Variants in UNC5C observed in about 807,000 individuals in gnomAD.
UNC5C encodes unc-5 netrin receptor C, also known as netrin receptor UNC5C.
A neutral mutation model predicts 99.8 loss-of-function variants in UNC5C; 47 were observed. That is an observed-to-expected ratio of 0.47 (90% confidence interval 0.37 to 0.60). UNC5C has a LOEUF of 0.60. Ranked by LOEUF, UNC5C falls within the 20% of genes least tolerant of loss-of-function variation. The probability of loss-of-function intolerance (pLI) is 0.00; values close to 1 mark genes in which losing one functional copy is unlikely to be tolerated. For synonymous variants in UNC5C, 487 were observed against 452.2 expected (o/e 1.08, Z -0.98); for missense variants, 1,062 against 1,165.9 (o/e 0.91, Z 1.30).
intron 6 of UNC5C, 26 bp from the exon 7 acceptor site, chr4:95,242,619 G>A (rs940289418): frequency 1.3e-6 from 2 of 1,526,638 alleles, no homozygotes. Flanking sequence ...TGCAGCAGGA[G>A]GTCAGAGGGA....
intron 1 of UNC5C, among the ~76,000 whole-genome samples, chr4:95,443,032 A>C (rs1190248625): frequency 6.6e-6 from 1 of 152,226 alleles, no homozygotes; most frequent in Admixed American, 6.5e-5. Flanking sequence ...ATTCCAAAAA[A>C]AGAAAGAGTG....
intron 1 of UNC5C, among the ~76,000 whole-genome samples, chr4:95,349,363 G>C (rs1743901638): frequency 7.9e-6 from 1 of 126,682 alleles, no homozygotes; most frequent in Non-Finnish European, 1.7e-5. Context: ...GTGGGTGGCT[G>C]TATCTCCCTC....
chr4:95,266,908 A>G (rs1365332448), intron 4 of UNC5C, among the ~76,000 whole-genome samples: 1 of 152,182 alleles, frequency 6.6e-6, no homozygotes. Flanking sequence ...TTTTATCTTG[A>G]CTTTCCGTAG....
intron 1 of UNC5C, among the ~76,000 whole-genome samples, chr4:95,336,658 T>C (rs1743360893): frequency 6.6e-6 from 1 of 151,842 alleles, no homozygotes; most frequent in African/African-American, 2.4e-5. Flanking sequence ...TTCATTCAAG[T>C]CATAAGATAG....
intron 1 of UNC5C, among the ~76,000 whole-genome samples, chr4:95,395,779 T>C (rs1023428416): frequency 6.6e-6 from 1 of 152,130 alleles, no homozygotes; most frequent in Admixed American, 6.5e-5. Flanking sequence ...GAGAGAAACA[T>C]GACAATGTGG....
At chr4:95,513,034 T>G (rs1722121209) in intron 1 of UNC5C, among the ~76,000 whole-genome samples, 1 of 152,160 alleles carries the variant, frequency 6.6e-6, no homozygotes, top group Non-Finnish European at 1.5e-5. Context: ...TTGGTAGCAG[T>G]TAGCATCACA....
At chr4:95,243,030 C>T (rs898370150) in intron 6 of UNC5C, among the ~76,000 whole-genome samples, 8 of 152,100 alleles carry the variant, frequency 5.3e-5, no homozygotes, top group South Asian at 2.1e-4. Context: ...GAGGTTGGTA[C>T]GGTGGAGAAG....
chr4:95,358,779 C>T (rs958948504), intron 1 of UNC5C, among the ~76,000 whole-genome samples: 3 of 152,096 alleles, frequency 2.0e-5, no homozygotes, highest in Non-Finnish European at 4.4e-5. Flanking sequence ...CACTTTAGCC[C>T]AGCCTGCAAT....
At chr4:95,520,245 G>A (rs146473309) in intron 1 of UNC5C, among the ~76,000 whole-genome samples, 212 of 152,186 alleles carry the variant, frequency 1.4e-3, no homozygotes, top group African/African-American at 4.6e-3. Context: ...ATATTTTGTC[G>A]TGTCATTCTT....
chr4:95,365,204 G>A (rs2149436495), intron 1 of UNC5C, among the ~76,000 whole-genome samples: 1 of 149,106 alleles, frequency 6.7e-6, no homozygotes, highest in East Asian at 2.0e-4. Context: ...GCTGAGGCAA[G>A]AGAATCTCTT....
chr4:95,210,511 T>A (rs1738040827), intron 10 of UNC5C, among the ~76,000 whole-genome samples: 1 of 152,078 alleles, frequency 6.6e-6, no homozygotes, highest in Admixed American at 6.6e-5. Flanking sequence ...AATAAAAATA[T>A]CTCAGATTCT....
At chr4:95,253,745 G>A (rs185205570) in intron 4 of UNC5C, among the ~76,000 whole-genome samples, 4 of 152,230 alleles carry the variant, frequency 2.6e-5, no homozygotes, top group Non-Finnish European at 5.9e-5. Flanking sequence ...ACACCCCAGT[G>A]CTGCCAGCCA....
intron 1 of UNC5C, among the ~76,000 whole-genome samples, chr4:95,363,448 A>G (rs572653599): frequency 7.2e-5 from 11 of 152,318 alleles, no homozygotes; most frequent in African/African-American, 1.4e-4. Context: ...TTACAACAGC[A>G]TACTTTCACA....
chr4:95,329,150 G>T (rs1743016646), intron 2 of UNC5C, among the ~76,000 whole-genome samples: 1 of 152,062 alleles, frequency 6.6e-6, no homozygotes, highest in African/African-American at 2.4e-5. Context: ...AATTAGTCAG[G>T]CATGGTGGTG....
intron 12 of UNC5C, among the ~76,000 whole-genome samples, chr4:95,202,312 T>C (rs1737707583): frequency 6.6e-6 from 1 of 152,138 alleles, no homozygotes; most frequent in Non-Finnish European, 1.5e-5. Context: ...GCTAACCCGC[T>C]CCTTCACAGC....
intron 1 of UNC5C, among the ~76,000 whole-genome samples, chr4:95,435,117 C>T (rs1330741987): frequency 6.6e-6 from 1 of 152,000 alleles, no homozygotes; most frequent in Non-Finnish European, 1.5e-5. Context: ...AGATAGAGTA[C>T]AAGGAAGCAG....
chr4:95,509,698 G>A (rs1722016570), intron 1 of UNC5C, among the ~76,000 whole-genome samples: 1 of 151,772 alleles, frequency 6.6e-6, no homozygotes, highest in Non-Finnish European at 1.5e-5. Context: ...ATGTGTTTAT[G>A]TATGTTCATT....
rs563466957 is a variant in UNC5C, at chr4:95,504,992, C to T, written c.124+43742G>A. On this transcript the variant is annotated intron_variant, in intron 1 of 15. Coordinates refer to ENST00000453304, the MANE Select transcript of UNC5C (RefSeq NM_003728.4). Reference sequence around the variant, plus strand: ...CAACCCATCTAAAATAAGAGACTTACGCTTATTTACCCAAGTATTCCAATA... The same window carrying T: ...CAACCCATCTAAAATAAGAGACTTATGCTTATTTACCCAAGTATTCCAATA... 5.9e-5 allele frequency among the ~76,000 whole-genome samples: 9 copies of T among 152,062 alleles called. No homozygotes were observed. In the South Asian group the frequency reaches 8.3e-4, roughly 14 times the overall value.
At chr4:95,438,847 C>T (rs1240701674) in intron 1 of UNC5C, among the ~76,000 whole-genome samples, 1 of 152,116 alleles carries the variant, frequency 6.6e-6, no homozygotes, top group African/African-American at 2.4e-5. Context: ...GAGAGCATTG[C>T]TGCTTTCTGT....
Sources: gnomAD v4.1 joint callset for allele counts (sites outside exome capture counted in the v4.1 genomes callset) on GRCh38, gnomAD v4.1.1 for gene constraint, MANE v1.5 for transcripts, NCBI Gene and HGNC (gene_info 2026-07-23, HGNC 2026-07-21) for gene names.